Variants in WBP2NL observed in about 807,000 individuals in gnomAD.
The protein encoded by WBP2NL is postacrosomal sheath WW domain-binding protein.
In WBP2NL, 27 loss-of-function variants were observed where a neutral mutation model predicts 23.3. The observed-to-expected ratio is 1.16, with a 90% confidence interval of 0.85 to 1.60. WBP2NL has a LOEUF of 1.60. WBP2NL is among the 40% of genes most tolerant of loss of function. The pLI, the probability that WBP2NL is intolerant of heterozygous loss-of-function variation, is 0.00. For synonymous variants in WBP2NL, 151 were observed against 145.9 expected, an observed-to-expected ratio of 1.03 and a Z score of -0.25; for missense variants, 370 against 389.5, an observed-to-expected ratio of 0.95 and a Z score of 0.42.
At chr22:42,018,491 GAAAGAAAGA>G (rs1219051914) in intron 1 of WBP2NL, among the ~76,000 whole-genome samples, 1 of 151,510 alleles carries the variant, frequency 6.6e-6, no homozygotes, top group African/African-American at 2.4e-5. Context: ...AAGAAAAAGA[GAAAGAAAGA>G]AAAGAAAGAA....
chr22:42,053,640 A>G (rs1165074203), intron 8 of WBP2NL, among the ~76,000 whole-genome samples: 3 of 151,820 alleles, frequency 2.0e-5, no homozygotes, highest in Non-Finnish European at 4.4e-5. Context: ...TTGTATTTTT[A>G]GTAGAGACAG....
intron 8 of WBP2NL, among the ~76,000 whole-genome samples, chr22:42,053,634 A>G (rs1473146065): frequency 6.6e-5 from 10 of 151,724 alleles, no homozygotes; most frequent in Non-Finnish European, 1.5e-4. Flanking sequence ...TAATTTTTGT[A>G]TTTTTAGTAG....
chr22:42,001,044 AG>A (rs2146748781), intron 1 of WBP2NL: 2 of 757,784 alleles, frequency 2.6e-6, no homozygotes, highest in East Asian at 2.6e-5. Context: ...GCCTGTTCAA[AG>A]GGGGAAAAAT....
intron 1 of WBP2NL, among the ~76,000 whole-genome samples, chr22:42,005,990 G>A (rs1399735894): frequency 2.0e-5 from 3 of 152,138 alleles, no homozygotes; most frequent in Admixed American, 6.6e-5. Flanking sequence ...TTTCTTTATT[G>A]ACTTTCTGGA....
intron 1 of WBP2NL, among the ~76,000 whole-genome samples, chr22:42,004,779 G>C (rs373082058): frequency 2.0e-5 from 3 of 151,994 alleles, no homozygotes; most frequent in East Asian, 3.9e-4. Context: ...CAAAAAATTA[G>C]CTGGGTGTGG....
At chr22:42,003,703 A>G (rs1279900125) in intron 1 of WBP2NL, among the ~76,000 whole-genome samples, 1 of 152,228 alleles carries the variant, frequency 6.6e-6, no homozygotes, top group Non-Finnish European at 1.5e-5. Context: ...AAAACTATGC[A>G]TGGATTCCAG....
intron 1 of WBP2NL, among the ~76,000 whole-genome samples, chr22:42,000,512 CCATCAT>C (rs896748779): frequency 1.3e-5 from 2 of 151,636 alleles, no homozygotes; most frequent in African/African-American, 2.4e-5. Flanking sequence ...TAATTGAGTC[CCATCAT>C]CATCATCATC....
At chr22:42,019,953 G>A in intron 3 of WBP2NL, 51 bp from the exon 4 acceptor site, 1 of 1,601,728 alleles carries the variant, frequency 6.2e-7, no homozygotes, top group Non-Finnish European at 8.5e-7. Flanking sequence ...CAGTCTTTCT[G>A]TTGTCAGCTA....
At chr22:42,016,889 T>C (rs1233593924) in intron 1 of WBP2NL, among the ~76,000 whole-genome samples, 2 of 152,218 alleles carry the variant, frequency 1.3e-5, no homozygotes, top group Non-Finnish European at 2.9e-5. Flanking sequence ...GCTCACAGTT[T>C]CTCCTTGCCT....
At chr22:42,036,527 G>T (rs1925188842), downstream of WBP2NL, among the ~76,000 whole-genome samples, 1 of 152,190 alleles carries the variant, frequency 6.6e-6, no homozygotes, top group Admixed American at 6.5e-5. Context: ...CATAATGGCT[G>T]TATGAATGTA....
chr22:42,026,869 GC>G lies in WBP2NL; in HGVS notation c.620del (p.Pro207LeufsTer30). ...CCCAACCCGTAGGAAATGAAGGCCC[GC>G]CTGTGGGATACAGAGCCTCACCTGT... ...GAQPVGNEGPPVGYRASPVRY... is the reference protein window; with the variant it reads ...GAQPVGNEGPXVGYRASPVRY... On this transcript the variant is annotated frameshift_variant, in exon 6 of 6. Transcript: ENST00000328823. LOFTEE classifies it low-confidence loss of function (END_TRUNC). 2 of 1,606,910 alleles carry G rather than the reference GC, an allele frequency of 1.2e-6. No individual in the cohort carries two copies. The highest frequency in any genetic ancestry group is 1.7e-6 in the Non-Finnish European group (2 of 1,178,454).
intron 1 of WBP2NL, among the ~76,000 whole-genome samples, chr22:42,010,325 A>G (rs921740133): frequency 6.6e-6 from 1 of 152,174 alleles, no homozygotes; most frequent in Non-Finnish European, 1.5e-5. Context: ...TGCTCTGGCT[A>G]GGACTTCCAA....
intron 1 of WBP2NL, among the ~76,000 whole-genome samples, chr22:42,007,136 A>G (rs1235466320): frequency 6.6e-6 from 1 of 152,182 alleles, no homozygotes; most frequent in Non-Finnish European, 1.5e-5. Flanking sequence ...TAGTGTATCT[A>G]CATCATTATT....
chr22:42,024,108 G>A (rs1414170159), intron 5 of WBP2NL, among the ~76,000 whole-genome samples: 1 of 152,018 alleles, frequency 6.6e-6, no homozygotes, highest in African/African-American at 2.4e-5. Flanking sequence ...TTTTGTGTTT[G>A]GCTTATCTCA....
intron 1 of WBP2NL, among the ~76,000 whole-genome samples, chr22:42,008,512 G>A (rs1177613066): frequency 6.6e-6 from 1 of 151,324 alleles, no homozygotes; most frequent in Non-Finnish European, 1.5e-5. Context: ...TGGACCTGTT[G>A]GTTTTTTAAA....
At chr22:42,009,568 AG>A (rs1922616803) in intron 1 of WBP2NL, among the ~76,000 whole-genome samples, 1 of 152,212 alleles carries the variant, frequency 6.6e-6, no homozygotes, top group South Asian at 2.1e-4. Flanking sequence ...TTTGTTAAAT[AG>A]ATTGTCTTTT....
At chr22:42,016,307 G>A (rs555664306) in intron 1 of WBP2NL, among the ~76,000 whole-genome samples, 5 of 151,844 alleles carry the variant, frequency 3.3e-5, no homozygotes, top group South Asian at 2.1e-4. Flanking sequence ...AATGCCTCCC[G>A]GTAGCCTCAT....
At chr22:42,000,162 G>T (rs554217873) in intron 1 of WBP2NL, among the ~76,000 whole-genome samples, 3 of 152,202 alleles carry the variant, frequency 2.0e-5, no homozygotes, top group South Asian at 2.1e-4. Flanking sequence ...TTTGAATGTA[G>T]TTGTCAGGAA....
intron 5 of WBP2NL, among the ~76,000 whole-genome samples, chr22:42,024,994 A>T (rs542781366): frequency 1.1e-4 from 16 of 152,182 alleles, no homozygotes; most frequent in Middle Eastern, 3.4e-3. Flanking sequence ...GTAGAGATGT[A>T]GTTTCACCAT....
Sources: allele counts gnomAD v4.1 joint callset (sites outside exome capture counted in the v4.1 genomes callset), GRCh38; gene constraint gnomAD v4.1.1; transcripts MANE v1.5; gene names NCBI Gene and HGNC (gene_info 2026-07-23, HGNC 2026-07-21).